ABTB3: variants seen among roughly 807,000 people sequenced by gnomAD.
ABTB3 encodes the protein ankyrin repeat and BTB domain containing 3, also known as ankyrin repeat- and BTB/POZ domain-containing protein 3.
the ABTB3 span, among the ~76,000 whole-genome samples, chr12:107,469,960 CTT>C: frequency 1.7e-3 from 114 of 68,430 alleles, 6 homozygotes; most frequent in African/African-American, 6.1e-3. Context: ...TTCTTTCTTT[CTT>C]TCTTTCTTTC....
At chr12:107,366,604 A>C in the ABTB3 span, among the ~76,000 whole-genome samples, 1 of 152,182 alleles carries the variant, frequency 6.6e-6, no homozygotes. Flanking sequence ...ACTAGCGACC[A>C]AATTAGTGAA....
chr12:107,352,847 C>T, the ABTB3 span, among the ~76,000 whole-genome samples: 3 of 152,072 alleles, frequency 2.0e-5, no homozygotes, highest in Non-Finnish European at 4.4e-5. Flanking sequence ...GGTTTGAGTA[C>T]TGAGGATGCC....
chr12:107,627,969 C>A, the ABTB3 span, among the ~76,000 whole-genome samples: 1 of 152,348 alleles, frequency 6.6e-6, no homozygotes, highest in African/African-American at 2.4e-5. Flanking sequence ...TGTGCGACTG[C>A]ACAATTAGCA....
At chr12:107,320,536 C>CT in the ABTB3 span, 24 of 455,816 alleles carry the variant, frequency 5.3e-5, no homozygotes, top group African/African-American at 3.2e-4. Context: ...TCCCACTTCC[C>CT]CACTCCCTCG....
At chr12:107,340,670 C>G in the ABTB3 span, among the ~76,000 whole-genome samples, 3 of 149,820 alleles carry the variant, frequency 2.0e-5, no homozygotes, top group African/African-American at 7.6e-5. Context: ...CTTGGAGAAT[C>G]GATTAAGTGG....
At chr12:107,411,564 G>T in the ABTB3 span, among the ~76,000 whole-genome samples, 1 of 152,192 alleles carries the variant, frequency 6.6e-6, no homozygotes, top group African/African-American at 2.4e-5. Flanking sequence ...TTCTGGCAGG[G>T]TGTGGCAACT....
the ABTB3 span, among the ~76,000 whole-genome samples, chr12:107,578,506 T>C: frequency 1.3e-5 from 2 of 149,798 alleles, no homozygotes; most frequent in African/African-American, 4.9e-5. Context: ...GGCAGTTCTG[T>C]GATGGAGATG....
chr12:107,351,150 G>A, the ABTB3 span, among the ~76,000 whole-genome samples: 1 of 152,202 alleles, frequency 6.6e-6, no homozygotes, highest in African/African-American at 2.4e-5. Flanking sequence ...ATTAGTTAGT[G>A]CCAGGCACTC....
chr12:107,635,248 G>GC, the ABTB3 span: 1 of 1,585,652 alleles, frequency 6.3e-7, no homozygotes, highest in South Asian at 1.1e-5. Context: ...GCTGGCCACA[G>GC]CCCCCTGTAT....
chr12:107,355,784 A>G, the ABTB3 span, among the ~76,000 whole-genome samples: 1 of 152,214 alleles, frequency 6.6e-6, no homozygotes, highest in Admixed American at 6.5e-5. Context: ...GTTGAACTAC[A>G]CTGCTGTTGA....
chr12:107,382,858 A>G, the ABTB3 span, among the ~76,000 whole-genome samples: 1 of 152,246 alleles, frequency 6.6e-6, no homozygotes, highest in African/African-American at 2.4e-5. Flanking sequence ...GTGTATACCT[A>G]TGTAACAAAC....
At chr12:107,336,485 G>A in the ABTB3 span, among the ~76,000 whole-genome samples, 1 of 152,132 alleles carries the variant, frequency 6.6e-6, no homozygotes, top group African/African-American at 2.4e-5. Flanking sequence ...TTCCTCCCTT[G>A]TAAGCATGGT....
At chr12:107,339,197 G>A in the ABTB3 span, among the ~76,000 whole-genome samples, 1 of 152,172 alleles carries the variant, frequency 6.6e-6, no homozygotes, top group Non-Finnish European at 1.5e-5. Context: ...CTTTCCCATA[G>A]TGGGCCTTTC....
the ABTB3 span, among the ~76,000 whole-genome samples, chr12:107,359,274 A>T: frequency 4.6e-5 from 7 of 152,360 alleles, no homozygotes; most frequent in East Asian, 1.3e-3. Context: ...CCCTTAGGAC[A>T]TCTGGTCCAG....
At chr12:107,402,831 A>G in the ABTB3 span, among the ~76,000 whole-genome samples, 1 of 152,114 alleles carries the variant, frequency 6.6e-6, no homozygotes, top group Non-Finnish European at 1.5e-5. Flanking sequence ...CTAGATTTGC[A>G]GCTCTATGAC....
the ABTB3 span, among the ~76,000 whole-genome samples, chr12:107,499,071 G>C: frequency 6.6e-6 from 1 of 151,986 alleles, no homozygotes; most frequent in African/African-American, 2.4e-5. Context: ...TTGGAAGGAG[G>C]GACCATTGCC....
chr12:107,608,903 A>AAAATAAAAT, the ABTB3 span, among the ~76,000 whole-genome samples: 1 of 89,812 alleles, frequency 1.1e-5, no homozygotes, highest in Non-Finnish European at 2.0e-5. Context: ...TAAATAAAAT[A>AAAATAAAAT]AAATAAAATA....
the ABTB3 span, among the ~76,000 whole-genome samples, chr12:107,506,455 C>T: frequency 1.3e-5 from 2 of 151,802 alleles, no homozygotes; most frequent in Admixed American, 1.3e-4. Flanking sequence ...TTCCACAAAC[C>T]AGTAAGAAGA....
the ABTB3 span, among the ~76,000 whole-genome samples, chr12:107,386,354 T>TTA: frequency 6.6e-6 from 1 of 152,214 alleles, no homozygotes; most frequent in South Asian, 2.1e-4. Flanking sequence ...CTTACATGCC[T>TTA]CAGTGAGGGC....
Sources: allele counts gnomAD v4.1 joint callset (sites outside exome capture counted in the v4.1 genomes callset), GRCh38; gene constraint gnomAD v4.1.1; transcripts MANE v1.5; gene names NCBI Gene and HGNC (gene_info 2026-07-23, HGNC 2026-07-21).